The following RARS1 variants were observed in gnomAD, a reference collection of about 807,000 sequenced individuals.
RARS1 encodes arginine--tRNA ligase, cytoplasmic.
Under a neutral mutation model 78.7 loss-of-function variants are expected in RARS1, and 75 were observed. The observed-to-expected ratio is 0.95, with a 90% CI of 0.79 to 1.15. The LOEUF (loss-of-function observed/expected upper bound fraction) is 1.15, where lower values mean the gene tolerates loss of function less well. Among genes scored for constraint, RARS1 ranks in the 50% most tolerant of loss-of-function variants. The probability of loss-of-function intolerance (pLI) is 0.00; values close to 1 mark genes in which losing one functional copy is unlikely to be tolerated. For missense variants in RARS1, 787 were observed against 787.5 expected (o/e 1.00, Z 0.01); for synonymous variants, 273 against 268.2 (o/e 1.02, Z -0.18).
At chr5:168,514,897 G>C (rs1194522331) in intron 12 of RARS1, among the ~76,000 whole-genome samples, 1 of 151,960 alleles carries the variant, frequency 6.6e-6, no homozygotes, top group Non-Finnish European at 1.5e-5. Context: ...TAGTTTTTTT[G>C]GAATATCACT....
intron 13 of RARS1, among the ~76,000 whole-genome samples, 174 bp from the exon 14 acceptor site, chr5:168,517,641 T>C (rs897113438): frequency 2.0e-5 from 3 of 152,206 alleles, no homozygotes; most frequent in African/African-American, 7.2e-5. Flanking sequence ...ATTTTTAGTA[T>C]TATGAAATGC....
chr5:168,513,325 T>C (rs1047952409), intron 12 of RARS1, among the ~76,000 whole-genome samples: 1 of 150,502 alleles, frequency 6.6e-6, no homozygotes, highest in Non-Finnish European at 1.5e-5. Flanking sequence ...CCCGGCCTCT[T>C]TCTTTCTTTC....
Position 168,502,068 on chromosome 5 carries a change from T to C in RARS1, c.1020T>C (p.Asp340=), listed in dbSNP as rs764997038. ...LIERGESFYQ[D]RMNDIVKEFE... ...AGAGAGGGGAATCCTTCTATCAAGA[T>C]AGGATGAATGATATTGTAAAGGAAT... is the stretch of plus-strand genomic sequence containing the variant. The change falls in exon 9 of 15, where the codon GAT becomes GAC. Residue 340 remains aspartate, a synonymous_variant. Coordinates refer to ENST00000231572, the MANE Select transcript of RARS1 (RefSeq NM_002887.4). The C allele has an allele frequency of 1.9e-6, 3 of 1,604,432 alleles. No individual in the cohort carries two copies. Among genetic ancestry groups the C allele is most frequent in the African/African-American group, 1.3e-5 (1 of 74,446 alleles).
intron 3 of RARS1, 52 bp downstream of exon 3, chr5:168,492,899 C>T (rs1330928159): frequency 2.2e-6 from 3 of 1,351,034 alleles, no homozygotes; most frequent in Non-Finnish European, 3.1e-6. Flanking sequence ...GTATTATTAT[C>T]ATCATTGCCA....
chr5:168,518,095 T>TTTTTTTTTTTTTTTC (rs70976491), intron 14 of RARS1, 33 bp downstream of exon 14: 1 of 1,337,978 alleles, frequency 7.5e-7, no homozygotes, highest in African/African-American at 1.6e-5. Flanking sequence ...TTTTTTTTTT[T>TTTTTTTTTTTTTTTC]AGTGAGAGAC....
chr5:168,497,320 C>T lies in RARS1; in HGVS notation c.794C>T (p.Pro265Leu). ...CCAGATTATCTAACAGTTTCACCTCCTATTGGGGATCTTCAGGTCTTTTAT... is the reference window on the plus strand; with the variant it reads ...CCAGATTATCTAACAGTTTCACCTCTTATTGGGGATCTTCAGGTCTTTTAT... ...KFPDYLTVSPPIGDLQVFYKE... is the reference protein window; with the variant it reads ...KFPDYLTVSPLIGDLQVFYKE... Residue 265 changes from proline to leucine, a missense_variant, in exon 7 of 15, where the codon CCT becomes CTT. Coordinates refer to ENST00000231572, the MANE Select transcript of RARS1 (RefSeq NM_002887.4). 5.7e-6 allele frequency: 9 copies of T among 1,586,162 alleles called. No homozygotes were observed. Among genetic ancestry groups the T allele is most frequent in the Non-Finnish European group, 6.0e-6 (7 of 1,165,134 alleles).
At chr5:168,504,145 GCT>G (rs1758386838) in intron 9 of RARS1, among the ~76,000 whole-genome samples, 2 of 151,912 alleles carry the variant, frequency 1.3e-5, no homozygotes, top group African/African-American at 4.8e-5. Flanking sequence ...ACTTTGGGAG[GCT>G]GAGGTGGGAG....
At chr5:168,488,327 T>C in intron 1 of RARS1, 1 of 372,376 alleles carries the variant, frequency 2.7e-6, no homozygotes, top group African/African-American at 2.1e-5. Flanking sequence ...AGCGTTTCGC[T>C]ATGTTTGCCA....
chr5:168,514,441 G>A (rs1310418287), intron 12 of RARS1, among the ~76,000 whole-genome samples: 1 of 151,696 alleles, frequency 6.6e-6, no homozygotes, highest in African/African-American at 2.4e-5. Flanking sequence ...AGAATATTTT[G>A]GTATTCTGTG....
At chr5:168,514,300 G>A (rs765909864) in intron 12 of RARS1, among the ~76,000 whole-genome samples, 1 of 152,086 alleles carries the variant, frequency 6.6e-6, no homozygotes, top group Non-Finnish European at 1.5e-5. Context: ...CTCTTCAAAT[G>A]CTACTACTTT....
intron 2 of RARS1, among the ~76,000 whole-genome samples, chr5:168,491,524 T>C (rs1304569587): frequency 2.6e-5 from 4 of 152,222 alleles, no homozygotes; most frequent in Non-Finnish European, 5.9e-5. Context: ...GGTTTTTTAG[T>C]GAATTTAAGA....
chr5:168,516,675 A>G (rs1287184417), intron 12 of RARS1, 103 bp from the exon 13 acceptor site: 8 of 1,114,736 alleles, frequency 7.2e-6, no homozygotes, highest in Non-Finnish European at 1.0e-5. Context: ...TATTGGTAAA[A>G]GAATACCATT....
intron 12 of RARS1, 82 bp downstream of exon 12, chr5:168,510,768 A>AGT (rs1166889370): frequency 1.0e-6 from 1 of 955,512 alleles, no homozygotes; most frequent in Non-Finnish European, 1.6e-6. Flanking sequence ...ACTGAGGAGA[A>AGT]GTGTGAGGAG....
chr5:168,487,490 AC>A (rs758102372), intron 1 of RARS1, among the ~76,000 whole-genome samples: 20 of 152,240 alleles, frequency 1.3e-4, no homozygotes, highest in Admixed American at 2.6e-4. Flanking sequence ...ATCAGCAGTC[AC>A]AAAGTACAAG....
At chr5:168,494,701 A>G (rs770741180) in intron 5 of RARS1, 51 bp downstream of exon 5, 2 of 1,282,168 alleles carry the variant, frequency 1.6e-6, no homozygotes, top group African/African-American at 2.9e-5. Context: ...ACTGCGTGGA[A>G]CCAAGCATGG....
intron 12 of RARS1, among the ~76,000 whole-genome samples, chr5:168,513,219 GTA>G (rs1561827815): frequency 2.5e-5 from 3 of 122,280 alleles, no homozygotes; most frequent in Admixed American, 8.2e-5. Flanking sequence ...CTAATTTTTT[GTA>G]TTTTTTTTTT....
At chr5:168,487,912 A>G (rs1015911976) in intron 1 of RARS1, among the ~76,000 whole-genome samples, 1 of 148,106 alleles carries the variant, frequency 6.8e-6, no homozygotes, top group Non-Finnish European at 1.5e-5. Context: ...TTTGAATGTG[A>G]CAAAGGACAT....
intron 11 of RARS1, among the ~76,000 whole-genome samples, chr5:168,509,066 C>T (rs1414327408): frequency 6.6e-6 from 1 of 151,874 alleles, no homozygotes; most frequent in African/African-American, 2.4e-5. Flanking sequence ...AATAGACCAA[C>T]ACAAAAACAA....
At chr5:168,486,679 G>A (rs935005600) in intron 1 of RARS1, 136 bp downstream of exon 1, 35 of 902,066 alleles carry the variant, frequency 3.9e-5, no homozygotes, top group Non-Finnish European at 5.7e-5. Flanking sequence ...CACGGTCCCT[G>A]TGGGAACAGG....
Sources: allele counts gnomAD v4.1 joint callset (sites outside exome capture counted in the v4.1 genomes callset), GRCh38; gene constraint gnomAD v4.1.1; transcripts MANE v1.5; gene names NCBI Gene and HGNC (gene_info 2026-07-23, HGNC 2026-07-21).